The following ABCB5 variants were observed in gnomAD, a reference collection of about 807,000 sequenced individuals.
ABCB5 encodes ATP-binding cassette sub-family B member 5.
A neutral mutation model predicts 144.2 loss-of-function variants in ABCB5; 155 were observed. The observed-to-expected ratio is 1.08, with a 90% CI of 0.94 to 1.23. ABCB5 has a LOEUF of 1.23. Among genes scored for constraint, ABCB5 ranks in the 50% most tolerant of loss-of-function variants. The pLI is 0.00. For missense variants in ABCB5, 1,830 were observed against 1,520.8 expected, an observed-to-expected ratio of 1.20 and a Z score of -3.38; for synonymous variants, 610 against 528.6, an observed-to-expected ratio of 1.15 and a Z score of -2.11.
At chr7:20,738,715 G>T (rs1191922000) in intron 23 of ABCB5, among the ~76,000 whole-genome samples, 1 of 152,142 alleles carries the variant, frequency 6.6e-6, no homozygotes, top group Non-Finnish European at 1.5e-5. Context: ...ATATTCACTA[G>T]TTGGGACCTT....
intron 7 of ABCB5, among the ~76,000 whole-genome samples, chr7:20,644,961 A>C (rs1316437513): frequency 6.6e-6 from 1 of 152,242 alleles, no homozygotes; most frequent in Non-Finnish European, 1.5e-5. Flanking sequence ...GATTGCCTGC[A>C]GTAAGTTAGT....
intron 20 of ABCB5, among the ~76,000 whole-genome samples, chr7:20,710,471 A>G (rs1786993695): frequency 6.7e-6 from 1 of 148,374 alleles, no homozygotes; most frequent in African/African-American, 2.5e-5. Flanking sequence ...GATGCAAAAT[A>G]TTATTCTTCT....
Position 20,630,787 on chromosome 7 carries a change from T to A in ABCB5, c.260-1272T>A, listed in dbSNP as rs16872579. Among the ~76,000 whole-genome samples the A allele has an allele frequency of 0.045, 6,822 of 152,222 alleles. 827 individuals are homozygous for A. In the East Asian group the frequency reaches 0.46, roughly 10 times the overall value. Reference sequence around the variant, plus strand: ...TTTGTTAAGTTTATTCTGTAATTGATTGCCTTACCTGTTTTGGATAGGCTA... The same window carrying A: ...TTTGTTAAGTTTATTCTGTAATTGAATGCCTTACCTGTTTTGGATAGGCTA... On this transcript the variant is annotated intron_variant, in intron 4 of 27. Coordinates refer to ENST00000404938, the MANE Select transcript of ABCB5 (RefSeq NM_001163941.2).
chr7:20,726,634 T>A lies in ABCB5; in HGVS notation c.2626-406T>A, dbSNP rs111905956. Among the ~76,000 whole-genome samples, 182 of 152,294 alleles carry A rather than the reference T, an allele frequency of 1.2e-3. 1 individual carries two copies. The highest frequency in any genetic ancestry group is 3.6e-3 in the African/African-American group (150 of 41,570). ...GGCCCGCCTTGGCCTCCCAAAGTAC[T>A]GGGATTACAATCATAAGCCATTGTG... On this transcript the variant is annotated intron_variant, in intron 21 of 27. Transcript: ENST00000404938.
chr7:20,674,984 T>G (rs1157013530), intron 14 of ABCB5, among the ~76,000 whole-genome samples: 2 of 151,824 alleles, frequency 1.3e-5, no homozygotes, highest in African/African-American at 4.8e-5. Flanking sequence ...CTATAACCAT[T>G]GATGAAAAAA....
chr7:20,745,421 A>G lies in ABCB5; in HGVS notation c.3412A>G (p.Ile1138Val), dbSNP rs771116956. Residue 1138 changes from isoleucine to valine, a missense_variant, in exon 26 of 28, where the codon ATT becomes GTT. By Grantham distance (29) the Ile-to-Val change is conservative (BLOSUM62 3). Transcript: ENST00000404938. ...AAATGCAGCAAATATCCATTCTTTT[A>G]TTGAAGGTCTCCCTGAGGTAAGAAA... The part of the protein sequence containing the change: ...AANAANIHSF[I>V]EGLPEKYNTQ... 19 of 1,614,198 alleles carry G rather than the reference A, an allele frequency of 1.2e-5. No homozygotes were observed. Among genetic ancestry groups the G allele is most frequent in the Non-Finnish European group, 1.5e-5 (18 of 1,180,032 alleles).
chr7:20,663,580 G>A (rs943657602), intron 14 of ABCB5, among the ~76,000 whole-genome samples: 12 of 152,130 alleles, frequency 7.9e-5, no homozygotes, highest in Non-Finnish European at 1.5e-4. Flanking sequence ...CTAGGGGCTT[G>A]GGGGATGGGA....
intron 20 of ABCB5, among the ~76,000 whole-genome samples, chr7:20,720,943 CAAAAAAAAAAA>C (rs71020677): frequency 2.8e-5 from 2 of 71,062 alleles, no homozygotes; most frequent in East Asian, 5.6e-4. Flanking sequence ...AACTCTGCCT[CAAAAAAAAAAA>C]AAAAAAAAAA....
At chr7:20,677,461 GC>G (rs1365471051) in intron 14 of ABCB5, among the ~76,000 whole-genome samples, 1 of 152,148 alleles carries the variant, frequency 6.6e-6, no homozygotes, top group African/African-American at 2.4e-5. Context: ...AAAAAATACT[GC>G]CCTTTGCCAG....
intron 16 of ABCB5, among the ~76,000 whole-genome samples, chr7:20,697,501 T>C (rs1786460296): frequency 6.6e-6 from 1 of 152,182 alleles, no homozygotes. Context: ...GATTCTGAAA[T>C]ACACTACTTA....
rs1244227288 is a variant in ABCB5 at position 20,650,017 on chromosome 7, A to C, written c.1207-5A>C. 1.2e-6 allele frequency: 2 copies of C among 1,609,742 alleles called. No homozygotes were observed. The highest frequency in any genetic ancestry group is 2.7e-5 in the African/African-American group (2 of 74,876). On this transcript the variant is annotated splice_polypyrimidine_tract_variant and splice_region_variant and intron_variant, in intron 11 of 27. Transcript: ENST00000404938. ...TTATGATTTTCCCTCCATACATTCC[A>C]ATAGATTCTGAAAGGTCTGAATCTC...
chr7:20,676,422 AAG>A lies in ABCB5; in HGVS notation c.1708-5082_1708-5081del, dbSNP rs201822647. Among the ~76,000 whole-genome samples the A allele has an allele frequency of 5.0e-3, 763 of 152,312 alleles. 11 individuals are homozygous for A. Among genetic ancestry groups the A allele is most frequent in the African/African-American group, 0.018 (730 of 41,566 alleles). Reference sequence around the variant, plus strand: ...AAGGAAATATTAATAAGCCTTTAAAAAGGAGGAAGTCCATATGGAACAACATG... The same window carrying A: ...AAGGAAATATTAATAAGCCTTTAAAAGAGGAAGTCCATATGGAACAACATG... On this transcript the variant is annotated intron_variant, in intron 14 of 27. Transcript: ENST00000404938.
Position 20,635,277 on chromosome 7 carries a change from C to T in ABCB5, c.314+3164C>T, listed in dbSNP as rs1455634884. ...CTTGATCTATGTGTCTATTATTATACCAGTACCATGATATTTTCGTTACTA... is the reference window on the plus strand; with the variant it reads ...CTTGATCTATGTGTCTATTATTATATCAGTACCATGATATTTTCGTTACTA... On this transcript the variant is annotated intron_variant, in intron 5 of 27. Transcript: ENST00000404938. Among the ~76,000 whole-genome samples, 3 of 152,078 alleles carry T rather than the reference C, an allele frequency of 2.0e-5. No individual in the cohort carries two copies. The East Asian group carries it at 5.8e-4, about 29-fold the overall frequency.
At position 20,626,624 on chromosome 7, in the gene ABCB5, A is replaced by C. The variant is rs757909451; in HGVS notation, c.108+13A>C. ...ATCTATTGAGATAGTAAGTGAAATC[A>C]GTTAGAAAGTACATGCATTAGAAGA... On this transcript the variant is annotated intron_variant, in intron 3 of 27. Transcript: ENST00000404938. The C allele has an allele frequency of 4.4e-6, 7 of 1,596,124 alleles. No homozygotes were observed. Among genetic ancestry groups the C allele is most frequent in the South Asian group, 1.1e-5 (1 of 87,608 alleles).
intron 20 of ABCB5, among the ~76,000 whole-genome samples, 200 bp downstream of exon 20, chr7:20,705,007 A>C (rs1213361723): frequency 6.6e-6 from 1 of 152,192 alleles, no homozygotes; most frequent in African/African-American, 2.4e-5. Flanking sequence ...TTTAACCAAA[A>C]ATAGAGAATA....
At chr7:20,745,866 T>G (rs1039123497) in intron 26 of ABCB5, among the ~76,000 whole-genome samples, 4 of 152,222 alleles carry the variant, frequency 2.6e-5, no homozygotes, top group Admixed American at 1.3e-4. Context: ...ATGGCTCCCC[T>G]GTGCGCTTAG....
chr7:20,685,668 A>C (rs140377661), intron 15 of ABCB5, 28 bp from the exon 16 acceptor site: 1 of 1,558,438 alleles, frequency 6.4e-7, no homozygotes, highest in Admixed American at 2.0e-5. Context: ...CATTCTTATA[A>C]TGATAACCTA....
intron 24 of ABCB5, 71 bp from the exon 25 acceptor site, chr7:20,742,806 G>C (rs1782602472): frequency 6.9e-7 from 1 of 1,449,940 alleles, no homozygotes; most frequent in Non-Finnish European, 9.6e-7. Flanking sequence ...AAATGAACTT[G>C]GCCAGTATGC....
chr7:20,704,914 T>C, intron 20 of ABCB5, 107 bp downstream of exon 20: 4 of 817,822 alleles, frequency 4.9e-6, no homozygotes, highest in Non-Finnish European at 7.4e-6. Context: ...ATGACCCACA[T>C]CATTAATGAG....
Sources: gnomAD v4.1 joint callset for allele counts (sites outside exome capture counted in the v4.1 genomes callset) on GRCh38, gnomAD v4.1.1 for gene constraint, MANE v1.5 for transcripts, NCBI Gene and HGNC (gene_info 2026-07-23, HGNC 2026-07-21) for gene names.